SYN3: variants seen among roughly 807,000 people sequenced by gnomAD.
The protein encoded by SYN3 is synapsin-3.
In SYN3, 35 loss-of-function variants were observed where a neutral mutation model predicts 65.8. The ratio of observed to expected loss-of-function variants is 0.53; its 90% CI spans 0.41 to 0.70. The LOEUF is 0.70. SYN3 is among the 30% of genes least tolerant of loss of function. The probability of loss-of-function intolerance (pLI) is 0.00; values close to 1 mark genes in which losing one functional copy is unlikely to be tolerated. For missense variants in SYN3, 680 were observed against 749.0 expected (o/e 0.91, Z 1.08); for synonymous variants, 270 against 292.9 (o/e 0.92, Z 0.80).
At chr22:32,703,653 A>C (rs572334708) in intron 6 of SYN3, among the ~76,000 whole-genome samples, 1 of 151,406 alleles carries the variant, frequency 6.6e-6, no homozygotes, top group Non-Finnish European at 1.5e-5. Flanking sequence ...AAAAAAAAAA[A>C]AGAGAGAGAG....
At chr22:33,029,563 T>A (rs1344137778) in intron 1 of SYN3, among the ~76,000 whole-genome samples, 1 of 152,212 alleles carries the variant, frequency 6.6e-6, no homozygotes, top group Non-Finnish European at 1.5e-5. Flanking sequence ...GCTCTGACCC[T>A]GAACTCATGC....
chr22:32,638,857 G>A (rs540379884), intron 6 of SYN3, among the ~76,000 whole-genome samples: 2 of 152,182 alleles, frequency 1.3e-5, no homozygotes, highest in Non-Finnish European at 2.9e-5. Context: ...TGTTGCAATT[G>A]CTTTTTAGGA....
At chr22:32,638,421 C>T (rs2059849746) in intron 6 of SYN3, among the ~76,000 whole-genome samples, 1 of 152,206 alleles carries the variant, frequency 6.6e-6, no homozygotes. Flanking sequence ...AATTTACATT[C>T]CCACAGACAG....
chr22:32,748,691 C>G (rs1055819286), intron 6 of SYN3, among the ~76,000 whole-genome samples: 1 of 152,104 alleles, frequency 6.6e-6, no homozygotes, highest in African/African-American at 2.4e-5. Flanking sequence ...CTGGGGACAG[C>G]GCAGTTGTGG....
intron 3 of SYN3, among the ~76,000 whole-genome samples, chr22:32,964,661 G>A (rs913187858): frequency 6.6e-6 from 1 of 152,050 alleles, no homozygotes; most frequent in East Asian, 1.9e-4. Context: ...GAATAATAAT[G>A]AGCCTTACAC....
chr22:32,564,125 A>G (rs1037347564), intron 7 of SYN3, among the ~76,000 whole-genome samples: 3 of 152,186 alleles, frequency 2.0e-5, no homozygotes, highest in Admixed American at 2.0e-4. Context: ...CTAAGACACC[A>G]AGATCAGGGA....
intron 6 of SYN3, among the ~76,000 whole-genome samples, chr22:32,644,372 GA>G (rs1231432776): frequency 6.6e-6 from 1 of 152,108 alleles, no homozygotes; most frequent in African/African-American, 2.4e-5. Context: ...GGAAGAGGAA[GA>G]GGGAGGTGCT....
intron 6 of SYN3, among the ~76,000 whole-genome samples, chr22:32,782,226 G>A (rs955878329): frequency 3.5e-4 from 53 of 151,820 alleles, no homozygotes; most frequent in African/African-American, 1.0e-3. Flanking sequence ...GTGCCACCAC[G>A]CTCGGCTAAT....
chr22:32,572,290 C>T (rs960404094), intron 7 of SYN3, among the ~76,000 whole-genome samples: 16 of 88,058 alleles, frequency 1.8e-4, no homozygotes, highest in African/African-American at 7.8e-4. Flanking sequence ...TCCCTCCCTC[C>T]TTCCTTCCTT....
intron 8 of SYN3, among the ~76,000 whole-genome samples, chr22:32,540,218 A>G (rs923688486): frequency 1.3e-5 from 2 of 152,238 alleles, no homozygotes; most frequent in African/African-American, 2.4e-5. Context: ...TAGGCAATCC[A>G]GGTAGTGCTA....
chr22:32,810,737 G>A (rs998706700), intron 6 of SYN3, among the ~76,000 whole-genome samples: 5 of 152,230 alleles, frequency 3.3e-5, no homozygotes, highest in African/African-American at 7.2e-5. Flanking sequence ...GGATTAGGAT[G>A]TGGGGATGGT....
intron 6 of SYN3, among the ~76,000 whole-genome samples, chr22:32,703,454 C>T (rs553014998): frequency 7.2e-5 from 11 of 152,080 alleles, no homozygotes; most frequent in Middle Eastern, 3.4e-3. Flanking sequence ...CTGGCCAACA[C>T]GGTGAAACCC....
chr22:32,979,194 A>AG (rs2052300360), intron 3 of SYN3, among the ~76,000 whole-genome samples: 1 of 151,544 alleles, frequency 6.6e-6, no homozygotes, highest in Non-Finnish European at 1.5e-5. Context: ...TCTCAAAAAA[A>AG]AAAAAAAAAG....
intron 3 of SYN3, among the ~76,000 whole-genome samples, chr22:32,955,495 A>G (rs1476883976): frequency 6.6e-6 from 1 of 152,174 alleles, no homozygotes; most frequent in African/African-American, 2.4e-5. Context: ...CACTTGCTTG[A>G]TATTTTAAAG....
At chr22:32,849,459 G>C (rs374488332) in intron 6 of SYN3, 7 of 1,613,530 alleles carry the variant, frequency 4.3e-6, no homozygotes, top group Non-Finnish European at 5.9e-6. Flanking sequence ...CAGTGATCCG[G>C]GCCAAGGTGG....
chr22:32,552,993 G>T (rs2710380), intron 7 of SYN3, among the ~76,000 whole-genome samples: 130,423 of 152,210 alleles, frequency 0.86, 56,238 homozygotes, highest in African/African-American at 0.96. Context: ...CTGGTGAGGC[G>T]CTCTGCCTGG....
At chr22:32,838,233 T>C (rs937290551) in intron 6 of SYN3, among the ~76,000 whole-genome samples, 1 of 152,140 alleles carries the variant, frequency 6.6e-6, no homozygotes, top group African/African-American at 2.4e-5. Flanking sequence ...AATCAATGAA[T>C]TTCAAGTGGA....
intron 3 of SYN3, among the ~76,000 whole-genome samples, chr22:32,955,142 C>A (rs1348292246): frequency 6.6e-6 from 1 of 152,100 alleles, no homozygotes; most frequent in African/African-American, 2.4e-5. Context: ...AACAGCCCTG[C>A]ACCCCCAGGT....
intron 7 of SYN3, among the ~76,000 whole-genome samples, chr22:32,542,886 C>G (rs940769092): frequency 6.6e-6 from 1 of 152,016 alleles, no homozygotes; most frequent in Non-Finnish European, 1.5e-5. Context: ...ACAGCTGGGC[C>G]AGCTGCTCCC....
Sources: gnomAD v4.1 joint callset for allele counts (sites outside exome capture counted in the v4.1 genomes callset) on GRCh38, gnomAD v4.1.1 for gene constraint, MANE v1.5 for transcripts, NCBI Gene and HGNC (gene_info 2026-07-23, HGNC 2026-07-21) for gene names.